TMTC2: variants seen among roughly 807,000 people sequenced by gnomAD.
TMTC2 encodes the protein protein O-mannosyl-transferase TMTC2.
TMTC2 carries 43 observed loss-of-function variants against 82.4 expected under a neutral mutation model. The ratio of observed to expected loss-of-function variants is 0.52; its 90% CI spans 0.41 to 0.67. TMTC2 has a LOEUF of 0.67. TMTC2 is among the 30% of genes least tolerant of loss of function. TMTC2 has a pLI of 0.00. For missense variants in TMTC2, 919 were observed against 1,012.4 expected, an observed-to-expected ratio of 0.91 and a Z score of 1.25; for synonymous variants, 408 against 381.9, an observed-to-expected ratio of 1.07 and a Z score of -0.80.
At chr12:83,031,374 A>G (rs1881423648) in intron 9 of TMTC2, among the ~76,000 whole-genome samples, 1 of 152,208 alleles carries the variant, frequency 6.6e-6, no homozygotes, top group Non-Finnish European at 1.5e-5. Flanking sequence ...TAAAGGGTGC[A>G]AAGGATGGCT....
intron 1 of TMTC2, among the ~76,000 whole-genome samples, chr12:82,804,940 C>T (rs1317461788): frequency 6.6e-6 from 1 of 152,126 alleles, no homozygotes; most frequent in African/African-American, 2.4e-5. Context: ...AATTTAATTT[C>T]CTCAGCAAGG....
chr12:82,751,208 T>TA (rs1383548609), intron 1 of TMTC2, among the ~76,000 whole-genome samples: 1 of 152,244 alleles, frequency 6.6e-6, no homozygotes, highest in East Asian at 1.9e-4. Context: ...TATGCAGCTA[T>TA]AAAAAATGAT....
chr12:82,968,013 A>AAC (rs1432198891), intron 7 of TMTC2, among the ~76,000 whole-genome samples: 5 of 152,258 alleles, frequency 3.3e-5, no homozygotes, highest in African/African-American at 1.2e-4. Context: ...CACACCTGGT[A>AAC]AGAACACTCA....
At chr12:82,760,781 C>T in intron 1 of TMTC2, 1 of 331,414 alleles carries the variant, frequency 3.0e-6, no homozygotes, top group African/African-American at 2.2e-5. Flanking sequence ...GCAAACCCTG[C>T]TGTGAACTGC....
intron 8 of TMTC2, among the ~76,000 whole-genome samples, chr12:83,002,794 A>T (rs28892954): frequency 0.77 from 115,666 of 150,352 alleles, 45,817 homozygotes; most frequent in South Asian, 0.93. Context: ...TTTTTTTTTT[A>T]AATTTATTGA....
chr12:82,884,555 C>A (rs910791756), intron 2 of TMTC2, among the ~76,000 whole-genome samples: 1 of 152,124 alleles, frequency 6.6e-6, no homozygotes, highest in Non-Finnish European at 1.5e-5. Flanking sequence ...CAAAGCTCAT[C>A]TACATTTAAT....
At chr12:83,116,749 T>G (rs1884774924) in intron 11 of TMTC2, among the ~76,000 whole-genome samples, 1 of 152,210 alleles carries the variant, frequency 6.6e-6, no homozygotes, top group Non-Finnish European at 1.5e-5. Context: ...GAGAATTGTC[T>G]ATTCATGTCC....
At chr12:82,965,802 G>C in intron 6 of TMTC2, 58 bp downstream of exon 6, 3 of 1,599,132 alleles carry the variant, frequency 1.9e-6, no homozygotes, top group Non-Finnish European at 2.6e-6. Context: ...CAGTCTCAGT[G>C]GTTTGTAACC....
chr12:82,917,354 A>T (rs1875055951), intron 3 of TMTC2, among the ~76,000 whole-genome samples: 1 of 152,044 alleles, frequency 6.6e-6, no homozygotes, highest in South Asian at 2.1e-4. Flanking sequence ...TGTAGCTGGT[A>T]AGACCATTCA....
chr12:82,896,425 AG>A lies in TMTC2; in HGVS notation c.1263del (p.Glu421AspfsTer14), dbSNP rs1873689441. On this transcript the variant is annotated frameshift_variant, in exon 3 of 12. Transcript: ENST00000321196. LOFTEE classifies it high-confidence loss of function. ...LFFYVGFVIAERVLYIPSMGF... is the reference protein window; with the variant it reads ...LFFYVGFVIAXRVLYIPSMGF... ...TTCTATGTCGGCTTTGTAATTGCAGAGCGAGTATTATATATTCCTAGTATGG... is the reference window on the plus strand; with the variant it reads ...TTCTATGTCGGCTTTGTAATTGCAGACGAGTATTATATATTCCTAGTATGG... 1 of 1,614,178 alleles carries A rather than the reference AG, an allele frequency of 6.2e-7. No homozygotes were observed. The highest frequency in any genetic ancestry group is 2.2e-5 in the East Asian group (1 of 44,864).
intron 2 of TMTC2, among the ~76,000 whole-genome samples, chr12:82,886,453 T>G (rs1873102619): frequency 6.6e-6 from 1 of 152,216 alleles, no homozygotes; most frequent in Non-Finnish European, 1.5e-5. Flanking sequence ...ACTAATGCTT[T>G]CTGATGGATG....
At chr12:83,022,630 T>G (rs17010499) in intron 8 of TMTC2, among the ~76,000 whole-genome samples, 89,731 of 151,630 alleles carry the variant, frequency 0.59, 27,067 homozygotes, top group South Asian at 0.73. Flanking sequence ...ATGTACTGTG[T>G]TCTTGAGGTA....
chr12:83,105,541 A>G (rs753120678), intron 11 of TMTC2, among the ~76,000 whole-genome samples: 3 of 152,304 alleles, frequency 2.0e-5, no homozygotes, highest in Admixed American at 6.5e-5. Context: ...TGGTGAAAGC[A>G]GGAGGAGGAA....
intron 1 of TMTC2, among the ~76,000 whole-genome samples, chr12:82,812,613 T>C (rs1451487892): frequency 1.3e-5 from 2 of 152,052 alleles, no homozygotes; most frequent in Non-Finnish European, 2.9e-5. Context: ...ACAGTTAAGA[T>C]AGAATTATGG....
In TMTC2 at chr12:82,815,287, A is replaced by ATT. The variant is rs35061351; in HGVS notation, c.84-41716_84-41715dup. Among the ~76,000 whole-genome samples the ATT allele has an allele frequency of 2.7e-4, 39 of 144,192 alleles. No homozygotes were observed. In the East Asian group the frequency reaches 7.2e-3, roughly 27 times the overall value. The allele number at this position is 144,192 out of a possible 152,430, so 94.6% of individuals were successfully genotyped here. A position where few individuals can be genotyped will look rare whatever the true frequency, so the allele number is the denominator to read the frequency against. ...GTTCACGCCATTCTTTTGCGCATTTATTTTTTTTAATTAATTAATTAATTA... is the reference window on the plus strand; with the variant it reads ...GTTCACGCCATTCTTTTGCGCATTTATTTTTTTTTTAATTAATTAATTAATTA... On this transcript the variant is annotated intron_variant, in intron 1 of 11. Transcript: ENST00000321196.
intron 8 of TMTC2, among the ~76,000 whole-genome samples, chr12:82,996,295 G>A (rs927907190): frequency 6.6e-6 from 1 of 152,150 alleles, no homozygotes; most frequent in Admixed American, 6.5e-5. Context: ...CACTGAAAGG[G>A]GTGAGGGTGA....
intron 11 of TMTC2, among the ~76,000 whole-genome samples, chr12:83,129,683 T>G (rs1003302070): frequency 6.6e-6 from 1 of 152,218 alleles, no homozygotes; most frequent in Admixed American, 6.5e-5. Context: ...GTTTGTAGAT[T>G]CAGTGGTTGT....
At chr12:82,898,629 G>A (rs1035399654) in intron 3 of TMTC2, among the ~76,000 whole-genome samples, 1 of 152,186 alleles carries the variant, frequency 6.6e-6, no homozygotes, top group African/African-American at 2.4e-5. Context: ...TCTCAGTGGT[G>A]TCACCCTGTC....
intron 1 of TMTC2, among the ~76,000 whole-genome samples, chr12:82,780,796 G>A (rs565765226): frequency 3.9e-5 from 4 of 101,388 alleles, no homozygotes; most frequent in Admixed American, 3.4e-4. Context: ...TTCTCAACAT[G>A]TAAGAAGTTT....
Sources: gnomAD v4.1 joint callset for allele counts (sites outside exome capture counted in the v4.1 genomes callset) on GRCh38, gnomAD v4.1.1 for gene constraint, MANE v1.5 for transcripts, NCBI Gene and HGNC (gene_info 2026-07-23, HGNC 2026-07-21) for gene names.